Variants in ZFHX4 observed in about 807,000 individuals in gnomAD.
ZFHX4 encodes the protein zinc finger homeobox protein 4.
ZFHX4 carries 56 observed loss-of-function variants against 267.6 expected under a neutral mutation model. The observed-to-expected ratio is 0.21, with a 90% CI of 0.17 to 0.26. The LOEUF is 0.26. Among genes scored for constraint, ZFHX4 ranks in the 10% least tolerant of loss-of-function variants. The pLI, the probability that ZFHX4 is intolerant of heterozygous loss-of-function variation, is 1.00. For missense variants in ZFHX4, 4,332 were observed against 4,420.0 expected (o/e 0.98, Z 0.56); for synonymous variants, 1,778 against 1,665.6 (o/e 1.07, Z -1.64).
intron 4 of ZFHX4, among the ~76,000 whole-genome samples, chr8:76,820,813 C>T (rs963520988): frequency 5.3e-5 from 8 of 152,110 alleles, no homozygotes; most frequent in Non-Finnish European, 1.0e-4. Flanking sequence ...GGTGTTGGCT[C>T]ATAGCTAGAT....
chr8:76,703,947 G>T, intron 1 of ZFHX4, 96 bp from the exon 2 acceptor site: 1 of 887,756 alleles, frequency 1.1e-6, no homozygotes. Flanking sequence ...TTTTTAGATA[G>T]TCACGTTTAC....
intron 1 of ZFHX4, among the ~76,000 whole-genome samples, chr8:76,697,910 T>C (rs1808000814): frequency 6.6e-6 from 1 of 152,052 alleles, no homozygotes; most frequent in Non-Finnish European, 1.5e-5. Flanking sequence ...GCTGGGTCAC[T>C]GGCATTTGGA....
chr8:76,701,881 C>T (rs1026976228), intron 1 of ZFHX4, among the ~76,000 whole-genome samples: 1 of 152,120 alleles, frequency 6.6e-6, no homozygotes, highest in Non-Finnish European at 1.5e-5. Context: ...GGTTCTGGAA[C>T]TTTACATTTT....
intron 9 of ZFHX4, among the ~76,000 whole-genome samples, chr8:76,850,572 A>G (rs1000415959): frequency 2.6e-5 from 4 of 152,182 alleles, no homozygotes; most frequent in African/African-American, 9.7e-5. Flanking sequence ...ACACCCAGGA[A>G]AATTCTGTGT....
chr8:76,816,587 T>C (rs894547424), intron 4 of ZFHX4, among the ~76,000 whole-genome samples: 2 of 148,446 alleles, frequency 1.3e-5, no homozygotes, highest in South Asian at 2.1e-4. Flanking sequence ...TTAATTTAAA[T>C]GTCTTTTTTT....
At chr8:76,818,156 G>A (rs989802203) in intron 4 of ZFHX4, among the ~76,000 whole-genome samples, 2 of 152,184 alleles carry the variant, frequency 1.3e-5, no homozygotes, top group African/African-American at 4.8e-5. Context: ...TGATATGGCT[G>A]ATGGAGGTAT....
intron 5 of ZFHX4, among the ~76,000 whole-genome samples, chr8:76,836,446 G>A (rs909766048): frequency 6.6e-6 from 1 of 152,094 alleles, no homozygotes; most frequent in Non-Finnish European, 1.5e-5. Flanking sequence ...CTTTAGGAGC[G>A]GTAGTCAGAG....
At chr8:76,823,095 T>C (rs1021711075) in intron 4 of ZFHX4, among the ~76,000 whole-genome samples, 1 of 151,984 alleles carries the variant, frequency 6.6e-6, no homozygotes, top group Non-Finnish European at 1.5e-5. Context: ...TCCAGACAGT[T>C]ATAATTTGAA....
intron 4 of ZFHX4, 61 bp downstream of exon 4, chr8:76,778,500 CACACACACAA>C: frequency 7.6e-7 from 1 of 1,311,148 alleles, no homozygotes; most frequent in Non-Finnish European, 1.1e-6. Context: ...ATCACACACA[CACACACACAA>C]ACACACACAC....
chr8:76,687,201 C>A (rs1351207398), intron 1 of ZFHX4, among the ~76,000 whole-genome samples: 2 of 152,074 alleles, frequency 1.3e-5, no homozygotes, highest in Non-Finnish European at 2.9e-5. Context: ...TAACTCATAC[C>A]GTGGTGAAAT....
rs866463404 is a variant in ZFHX4, at chr8:76,681,473, A to G, written c.-194A>G. Reference sequence around the variant, plus strand: ...TTTCTGCTCCAGCGTTTTTATTTTCACCCAATAAAGTTCGAGGATTATTTT... The same window carrying G: ...TTTCTGCTCCAGCGTTTTTATTTTCGCCCAATAAAGTTCGAGGATTATTTT... On this transcript the variant is annotated 5_prime_UTR_variant, in exon 1 of 11. Coordinates refer to ENST00000651372, the MANE Select transcript of ZFHX4 (RefSeq NM_024721.5). The G allele has an allele frequency of 1.0e-5, 4 of 390,674 alleles. No homozygotes were observed. In the Admixed American group the frequency reaches 1.4e-4, roughly 13 times the overall value. The allele number at this position is 390,674 out of a possible 1,614,324, so 24.2% of individuals were successfully genotyped here.
chr8:76,760,236 A>G (rs367948182), intron 3 of ZFHX4, among the ~76,000 whole-genome samples: 4 of 152,202 alleles, frequency 2.6e-5, no homozygotes, highest in African/African-American at 9.7e-5. Context: ...ATAGGTACAT[A>G]TACTTGGAGG....
rs1394179709 is a variant in ZFHX4, at chr8:76,863,614, C to G, written c.9900C>G (p.Gly3300=). The G allele has an allele frequency of 6.2e-7, 1 of 1,613,414 alleles. No individual in the cohort carries two copies. The highest frequency in any genetic ancestry group is 8.5e-7 in the Non-Finnish European group (1 of 1,179,710). The change falls in exon 11 of 11, where the codon GGC becomes GGG. Residue 3300 remains glycine, a synonymous_variant. Coordinates refer to ENST00000651372, the MANE Select transcript of ZFHX4 (RefSeq NM_024721.5). ...GCATGGAGAGCCTCTTTCCTTATGG[C>G]CCTACAATGCCCCAGACACTGGCAG... The part of the protein sequence containing the change: ...VCGMESLFPY[G]PTMPQTLAGL...
At position 76,854,762 on chromosome 8, in the gene ZFHX4, C is replaced by T. The variant is rs1812662840; in HGVS notation, c.7841C>T (p.Pro2614Leu). Residue 2614 changes from proline to leucine, a missense_variant, in exon 10 of 11, where the codon CCG becomes CTG. By Grantham distance (98) the Pro-to-Leu change is moderately conservative. Transcript: ENST00000651372. ...AAACGCTTGAGAACCACGATCACCC[C>T]GGAACAGCTGGAAATACTCTATGAA... Reference protein sequence around the residue: ...RDKRLRTTITPEQLEILYEKY... With the variant: ...RDKRLRTTITLEQLEILYEKY... 2 of 1,611,216 alleles carry T rather than the reference C, an allele frequency of 1.2e-6. No individual in the cohort carries two copies. Among genetic ancestry groups the T allele is most frequent in the South Asian group, 2.2e-5 (2 of 90,660 alleles).
At chr8:76,741,845 T>A (rs545716880) in intron 3 of ZFHX4, among the ~76,000 whole-genome samples, 9 of 152,208 alleles carry the variant, frequency 5.9e-5, no homozygotes, top group Non-Finnish European at 1.2e-4. Flanking sequence ...GTACTCCTCC[T>A]GTTTCAGAGA....
At chr8:76,730,483 T>C (rs1585889548) in intron 3 of ZFHX4, among the ~76,000 whole-genome samples, 1 of 152,076 alleles carries the variant, frequency 6.6e-6, no homozygotes, top group African/African-American at 2.4e-5. Context: ...GGTGGATCAC[T>C]TGAGGTCAGG....
intron 4 of ZFHX4, among the ~76,000 whole-genome samples, chr8:76,816,542 T>C (rs1194106879): frequency 1.3e-5 from 2 of 151,796 alleles, no homozygotes; most frequent in African/African-American, 4.8e-5. Context: ...TCTTGCCACC[T>C]AGGGAGCTGT....
At chr8:76,861,759 G>C (rs900442631) in intron 10 of ZFHX4, among the ~76,000 whole-genome samples, 1 of 151,020 alleles carries the variant, frequency 6.6e-6, no homozygotes, top group African/African-American at 2.4e-5. Flanking sequence ...CAGTTTTTCT[G>C]TCTCTCCTTT....
intron 3 of ZFHX4, among the ~76,000 whole-genome samples, chr8:76,752,056 A>C (rs780410406): frequency 7.2e-5 from 11 of 152,196 alleles, no homozygotes; most frequent in Admixed American, 3.3e-4. Context: ...AGGTTTGAGG[A>C]TGAACCTAAC....
Sources: allele counts gnomAD v4.1 joint callset (sites outside exome capture counted in the v4.1 genomes callset), GRCh38; gene constraint gnomAD v4.1.1; transcripts MANE v1.5; gene names NCBI Gene and HGNC (gene_info 2026-07-23, HGNC 2026-07-21).